The following FOXP2 variants were observed in gnomAD, a reference collection of about 807,000 sequenced individuals.
FOXP2 encodes forkhead box protein P2.
FOXP2 carries 12 observed loss-of-function variants against 115.8 expected under a neutral mutation model. That is an observed-to-expected ratio of 0.10 (90% confidence interval 0.07 to 0.17). The LOEUF is 0.17. FOXP2 is among the 10% of genes least tolerant of loss of function. The probability of loss-of-function intolerance (pLI) is 1.00; values close to 1 mark genes in which losing one functional copy is unlikely to be tolerated. For synonymous variants in FOXP2, 328 were observed against 297.7 expected (o/e 1.10, Z -1.05); for missense variants, 629 against 843.5 (o/e 0.75, Z 3.15).
intron 2 of FOXP2, among the ~76,000 whole-genome samples, chr7:114,492,390 A>G (rs1204105187): frequency 2.0e-5 from 3 of 151,568 alleles, no homozygotes; most frequent in East Asian, 1.9e-4. Flanking sequence ...TTTTTGAAGG[A>G]TTTTTTGTAT....
chr7:114,088,438 A>T (rs914627623), intron 1 of FOXP2, among the ~76,000 whole-genome samples: 3 of 152,228 alleles, frequency 2.0e-5, no homozygotes, highest in African/African-American at 4.8e-5. Flanking sequence ...GGTAAGCCCA[A>T]GGGAGAAAGT....
At chr7:114,139,144 T>TA (rs1307709293) in intron 1 of FOXP2, among the ~76,000 whole-genome samples, 2 of 152,192 alleles carry the variant, frequency 1.3e-5, no homozygotes, top group African/African-American at 4.8e-5. Flanking sequence ...CCAGGTACTT[T>TA]AAAAAATATA....
chr7:114,327,508 T>A (rs975256447), intron 2 of FOXP2, among the ~76,000 whole-genome samples: 1 of 149,052 alleles, frequency 6.7e-6, no homozygotes. Flanking sequence ...TGTGTTTTCT[T>A]TTTTTTTTTT....
intron 2 of FOXP2, among the ~76,000 whole-genome samples, chr7:114,373,969 C>T (rs1235210665): frequency 6.6e-6 from 1 of 152,176 alleles, no homozygotes; most frequent in Non-Finnish European, 1.5e-5. Flanking sequence ...GTTATCTCCT[C>T]TGATCTTCCA....
chr7:114,107,726 G>A (rs1791156574), intron 1 of FOXP2, among the ~76,000 whole-genome samples: 1 of 151,914 alleles, frequency 6.6e-6, no homozygotes, highest in African/African-American at 2.4e-5. Flanking sequence ...TACTGTGTGT[G>A]GGTAGTAACT....
chr7:114,482,608 T>C (rs1450920128), intron 2 of FOXP2, among the ~76,000 whole-genome samples: 3 of 151,624 alleles, frequency 2.0e-5, no homozygotes, highest in African/African-American at 7.2e-5. Context: ...AAAATTTTAC[T>C]GCTTTTTTGG....
chr7:114,651,395 G>A (rs1173098127), intron 8 of FOXP2, among the ~76,000 whole-genome samples: 14 of 152,020 alleles, frequency 9.2e-5, no homozygotes, highest in Non-Finnish European at 8.8e-5. Context: ...ACAAATTACA[G>A]AGTATATATT....
intron 2 of FOXP2, among the ~76,000 whole-genome samples, chr7:114,520,707 C>A (rs950203438): frequency 6.6e-6 from 1 of 151,950 alleles, no homozygotes; most frequent in Non-Finnish European, 1.5e-5. Flanking sequence ...ACATCAATTT[C>A]TAACAAAGGA....
intron 1 of FOXP2, among the ~76,000 whole-genome samples, chr7:114,093,888 AAT>A (rs1201763943): frequency 6.6e-6 from 1 of 152,176 alleles, no homozygotes; most frequent in African/African-American, 2.4e-5. Context: ...GCTCTAATAT[AAT>A]AATATTTACC....
At chr7:114,428,510 C>A (rs1386219101) in intron 2 of FOXP2, among the ~76,000 whole-genome samples, 1 of 151,396 alleles carries the variant, frequency 6.6e-6, no homozygotes, top group Non-Finnish European at 1.5e-5. Flanking sequence ...CTGTAGAGTG[C>A]CTTCTAAAAG....
At chr7:114,646,155 T>C (rs1295286211) in intron 8 of FOXP2, among the ~76,000 whole-genome samples, 1 of 151,740 alleles carries the variant, frequency 6.6e-6, no homozygotes, top group African/African-American at 2.4e-5. Context: ...GTGAATACAT[T>C]AGTCCTTATC....
At chr7:114,596,298 C>G (rs746394007) in intron 3 of FOXP2, among the ~76,000 whole-genome samples, 7 of 152,022 alleles carry the variant, frequency 4.6e-5, no homozygotes, top group Non-Finnish European at 8.8e-5. Context: ...AAGCAATTGT[C>G]AAACTTGTGC....
chr7:114,415,003 C>T lies in FOXP2; in HGVS notation c.-368C>T, dbSNP rs554864272. On this transcript the variant is annotated 5_prime_UTR_variant, in exon 1 of 17. Transcript: ENST00000350908. Reference sequence around the variant, plus strand: ...GTAAGCATGCTGGCTCAGTCTTGAACCTTTGTCACCCCTCACGTTGCACAC... The same window carrying T: ...GTAAGCATGCTGGCTCAGTCTTGAATCTTTGTCACCCCTCACGTTGCACAC... 10 of 445,542 alleles carry T rather than the reference C, an allele frequency of 2.2e-5. No homozygotes were observed. Among genetic ancestry groups the T allele is most frequent in the African/African-American group, 1.4e-4 (7 of 49,816 alleles). 27.6% of individuals were successfully genotyped at this position (445,542 alleles called of 1,614,324 possible).
At chr7:114,233,235 T>C (rs1449388929) in intron 1 of FOXP2, among the ~76,000 whole-genome samples, 1 of 152,192 alleles carries the variant, frequency 6.6e-6, no homozygotes, top group East Asian at 1.9e-4. Flanking sequence ...CAACAATATT[T>C]TTACATGTAC....
chr7:114,604,471 G>A (rs1336749692), intron 3 of FOXP2, among the ~76,000 whole-genome samples: 2 of 152,116 alleles, frequency 1.3e-5, no homozygotes, highest in African/African-American at 4.8e-5. Context: ...TGGATGGAGG[G>A]ACAGGTTTTC....
chr7:114,290,306 T>C (rs2129176333), intron 2 of FOXP2, among the ~76,000 whole-genome samples: 1 of 152,126 alleles, frequency 6.6e-6, no homozygotes, highest in East Asian at 1.9e-4. Context: ...AAATGTTTCA[T>C]ACAACTTATA....
intron 1 of FOXP2, among the ~76,000 whole-genome samples, chr7:114,193,222 G>A (rs893614960): frequency 6.6e-5 from 10 of 152,062 alleles, no homozygotes; most frequent in Admixed American, 5.9e-4. Flanking sequence ...ATATAGTAAA[G>A]GTTTGCATGT....
chr7:114,582,171 T>TGCC (rs920545335), intron 3 of FOXP2, among the ~76,000 whole-genome samples: 5 of 152,082 alleles, frequency 3.3e-5, no homozygotes, highest in Admixed American at 2.6e-4. Flanking sequence ...AGGAGGGTGA[T>TGCC]GCCATTAAGG....
intron 2 of FOXP2, among the ~76,000 whole-genome samples, chr7:114,402,626 T>C (rs866314596): frequency 2.0e-5 from 3 of 151,940 alleles, no homozygotes; most frequent in Middle Eastern, 3.4e-3. Flanking sequence ...AGCAATTTTT[T>C]TTTTTTTTTT....
Sources: gnomAD v4.1 joint callset for allele counts (sites outside exome capture counted in the v4.1 genomes callset) on GRCh38, gnomAD v4.1.1 for gene constraint, MANE v1.5 for transcripts, NCBI Gene and HGNC (gene_info 2026-07-23, HGNC 2026-07-21) for gene names.